RYR3: variants seen among roughly 807,000 people sequenced by gnomAD.
The protein encoded by RYR3 is brain ryanodine receptor-calcium release channel.
In RYR3, 207 loss-of-function variants were observed where a neutral mutation model predicts 584.3. The ratio of observed to expected loss-of-function variants is 0.35; its 90% CI spans 0.32 to 0.40. RYR3 has a LOEUF of 0.40. RYR3 is among the 10% of genes least tolerant of loss of function. The pLI is 1.00. For synonymous variants in RYR3, 2,416 were observed against 2,248.5 expected, an observed-to-expected ratio of 1.07 and a Z score of -2.11; for missense variants, 5,616 against 6,089.2, an observed-to-expected ratio of 0.92 and a Z score of 2.59.
intron 1 of RYR3, among the ~76,000 whole-genome samples, chr15:33,357,082 CT>C (rs1974089137): frequency 6.6e-6 from 1 of 152,116 alleles, no homozygotes; most frequent in African/African-American, 2.4e-5. Flanking sequence ...TATGCCACCT[CT>C]GACTTTGCTT....
At chr15:33,680,026 G>C (rs2064475907) in intron 38 of RYR3, among the ~76,000 whole-genome samples, 1 of 152,080 alleles carries the variant, frequency 6.6e-6, no homozygotes, top group African/African-American at 2.4e-5. Flanking sequence ...CAGCAGCATG[G>C]GTTTGAATCC....
Position 33,427,996 on chromosome 15 carries a change from G to A in RYR3, c.52-45423G>A, listed in dbSNP as rs2596228. Among the ~76,000 whole-genome samples, 622 of 152,336 alleles carry A rather than the reference G, an allele frequency of 4.1e-3. 4 individuals are homozygous for A. Among genetic ancestry groups the A allele is most frequent in the African/African-American group, 0.014 (572 of 41,580 alleles). On this transcript the variant is annotated intron_variant, in intron 1 of 103. Transcript: ENST00000634891. ...TTCTCCCAGAAACGGAGATCTCTCT[G>A]ACCTGACCTCTTCTCCCTTATCAAT...
intron 23 of RYR3, 74 bp downstream of exon 23, chr15:33,631,367 C>A: frequency 1.0e-6 from 1 of 966,360 alleles, no homozygotes; most frequent in Non-Finnish European, 1.6e-6. Flanking sequence ...AGGGTGGTAC[C>A]AAGACAGACA....
At chr15:33,420,514 CTTA>C (rs2044164556) in intron 1 of RYR3, among the ~76,000 whole-genome samples, 1 of 152,058 alleles carries the variant, frequency 6.6e-6, no homozygotes, top group Non-Finnish European at 1.5e-5. Context: ...CATGTTGTGT[CTTA>C]TTTGTTCTTG....
chr15:33,663,833 C>A, intron 36 of RYR3, 96 bp downstream of exon 36: 1 of 1,056,864 alleles, frequency 9.5e-7, no homozygotes, highest in Non-Finnish European at 1.4e-6. Flanking sequence ...CTGGGGCAGC[C>A]TCAAGAGCTA....
rs1555427017 is a variant in RYR3 at position 33,725,180 on chromosome 15, C to CACACACACACACACACATATATAT, written c.6912+1021_6912+1022insTATATATACACACACACACACACA. On this transcript the variant is annotated intron_variant, in intron 45 of 103. Coordinates refer to ENST00000634891, the MANE Select transcript of RYR3 (RefSeq NM_001036.6). The stretch of plus-strand genomic sequence containing the variant: ...ACACACACACACACACACACACACA[C>CACACACACACACACACATATATAT]ACACACACACACACACACACACATA... Among the ~76,000 whole-genome samples, 253 of 143,896 alleles carry CACACACACACACACACATATATAT rather than the reference C, an allele frequency of 1.8e-3. 2 individuals are homozygous for CACACACACACACACACATATATAT. Among genetic ancestry groups the CACACACACACACACACATATATAT allele is most frequent in the Non-Finnish European group, 2.9e-3 (189 of 65,258 alleles). 94.4% of individuals were successfully genotyped at this position (143,896 alleles called of 152,430 possible).
chr15:33,601,637 C>T, intron 17 of RYR3, 85 bp downstream of exon 17: 2 of 1,438,472 alleles, frequency 1.4e-6, no homozygotes. Context: ...CATCTGAACT[C>T]CAAAGTTGCC....
intron 74 of RYR3, among the ~76,000 whole-genome samples, chr15:33,816,157 T>C (rs568873154): frequency 1.1e-3 from 170 of 152,340 alleles, no homozygotes; most frequent in African/African-American, 3.9e-3. Flanking sequence ...CCTTCCCTCC[T>C]CACCACTGTC....
chr15:33,581,626 T>A lies in RYR3; in HGVS notation c.1556T>A (p.Leu519His). ...ATGGCCTGGAAAGAAATTCTGAACC[T>A]CCTCTACAAATTGCTGGGTAAGTAC... ...SGMAWKEILN[L>H]LYKLLAALIR... is the part of the protein sequence containing the mutation. The change falls in exon 14 of 104, where the codon CTC becomes CAC. Residue 519 changes from leucine (L) to histidine (H), a missense_variant. This residue lies in a region of RYR3 where 1,284 missense variants were observed against 1,344.6 expected (regional missense o/e 0.95). Transcript: ENST00000634891. 6.2e-7 allele frequency: 1 copy of A among 1,613,714 alleles called. No individual in the cohort carries two copies. Among genetic ancestry groups the A allele is most frequent in the Non-Finnish European group, 8.5e-7 (1 of 1,179,658 alleles).
intron 99 of RYR3, 51 bp downstream of exon 99, chr15:33,857,965 G>GC (rs2079877399): frequency 6.2e-7 from 1 of 1,604,778 alleles, no homozygotes; most frequent in African/African-American, 1.3e-5. Context: ...GGGCCACCCC[G>GC]CCCCACCACC....
chr15:33,623,729 T>G, intron 19 of RYR3, 78 bp from the exon 20 acceptor site: 2 of 1,052,598 alleles, frequency 1.9e-6, no homozygotes, highest in Non-Finnish European at 2.9e-6. Context: ...GAGGTAGGGA[T>G]TGATCTTTAA....
chr15:33,787,533 AAAAC>A (rs150693026), intron 66 of RYR3, among the ~76,000 whole-genome samples: 54,756 of 150,510 alleles, frequency 0.36, 10,744 homozygotes, highest in East Asian at 0.79. Context: ...AAAAAAAACA[AAAAC>A]AAACAAACAA....
intron 31 of RYR3, 134 bp from the exon 32 acceptor site, chr15:33,652,584 A>G (rs2062547362): frequency 2.3e-6 from 2 of 886,602 alleles, no homozygotes; most frequent in Non-Finnish European, 3.5e-6. Context: ...TAAGGAAAAA[A>G]AAGTATTTGG....
chr15:33,642,801 C>T (rs1313943832), intron 27 of RYR3, among the ~76,000 whole-genome samples: 1 of 152,184 alleles, frequency 6.6e-6, no homozygotes, highest in African/African-American at 2.4e-5. Context: ...CGTTGACTGT[C>T]CTGAGAGGTA....
chr15:33,851,162 GTTTTCTAAAGTTTCTGGCTTTTA>G (rs1320155774), intron 94 of RYR3: 6 of 152,206 alleles, frequency 3.9e-5, no homozygotes, highest in Non-Finnish European at 7.4e-5. Context: ...ATTTCAACTT[GTTTTCTAAAGTTTCTGGCTTTTA>G]TAAACAGTGC....
intron 96 of RYR3, among the ~76,000 whole-genome samples, chr15:33,854,174 T>G (rs966202223): frequency 1.5e-5 from 2 of 137,754 alleles, no homozygotes; most frequent in African/African-American, 5.5e-5. Context: ...CCAGCCTGGG[T>G]GATAGAGTGA....
chr15:33,715,587 A>G (rs1450530079), intron 43 of RYR3, among the ~76,000 whole-genome samples: 8 of 152,210 alleles, frequency 5.3e-5, no homozygotes, highest in African/African-American at 1.2e-4. Flanking sequence ...TGCAGCAACA[A>G]AATACCTGAG....
At chr15:33,850,111 T>C (rs1157504994) in intron 94 of RYR3, 1 of 152,276 alleles carries the variant, frequency 6.6e-6, no homozygotes, top group East Asian at 1.9e-4. Flanking sequence ...CCAGGCACAA[T>C]GGTTCATGCC....
intron 27 of RYR3, among the ~76,000 whole-genome samples, chr15:33,637,268 A>T (rs546203763): frequency 6.6e-6 from 1 of 152,340 alleles, no homozygotes; most frequent in Non-Finnish European, 1.5e-5. Context: ...CCCAAGGAGT[A>T]TCTGTTTGAC....
Sources: gnomAD v4.1 joint callset for allele counts (sites outside exome capture counted in the v4.1 genomes callset) on GRCh38, gnomAD v4.1.1 for gene constraint, gnomAD v4.1.1 regional missense constraint, MANE v1.5 for transcripts, NCBI Gene and HGNC (gene_info 2026-07-23, HGNC 2026-07-21) for gene names.